Variants in AP3S1 observed in about 807,000 individuals in gnomAD.
AP3S1 encodes AP-3 complex subunit sigma-1.
AP3S1 carries 12 observed loss-of-function variants against 21.3 expected under a neutral mutation model. The observed-to-expected ratio is 0.56, with a 90% confidence interval of 0.36 to 0.91. The LOEUF (loss-of-function observed/expected upper bound fraction) is 0.91, where lower values mean the gene tolerates loss of function less well. Among genes scored for constraint, AP3S1 ranks in the 40% least tolerant of loss-of-function variants. The probability of loss-of-function intolerance (pLI) is 0.01; values close to 1 mark genes in which losing one functional copy is unlikely to be tolerated. For missense variants in AP3S1, 116 were observed against 225.0 expected (o/e 0.52, Z 3.10); for synonymous variants, 48 against 78.4 (o/e 0.61, Z 2.05).
At chr5:115,870,678 C>T (rs1489823744) in intron 3 of AP3S1, among the ~76,000 whole-genome samples, 1 of 152,208 alleles carries the variant, frequency 6.6e-6, no homozygotes, top group Admixed American at 6.5e-5. Context: ...ATTCTTTCTT[C>T]TCAAACACCT....
intron 3 of AP3S1, among the ~76,000 whole-genome samples, chr5:115,888,804 A>G (rs1031185066): frequency 1.3e-5 from 2 of 152,122 alleles, no homozygotes; most frequent in African/African-American, 2.4e-5. Flanking sequence ...ATTATCATGT[A>G]TTTTGAACAG....
At chr5:115,847,296 A>T (rs551430058) in intron 1 of AP3S1, among the ~76,000 whole-genome samples, 1 of 152,258 alleles carries the variant, frequency 6.6e-6, no homozygotes, top group East Asian at 1.9e-4. Flanking sequence ...AGGGTCTGCT[A>T]TTTCTTCTTC....
At chr5:115,892,659 A>T (rs1304050544) in intron 3 of AP3S1, among the ~76,000 whole-genome samples, 1 of 152,166 alleles carries the variant, frequency 6.6e-6, no homozygotes, top group Non-Finnish European at 1.5e-5. Flanking sequence ...GAGACTTGGA[A>T]GGGTAGTGGA....
At chr5:115,843,434 A>C (rs1003526971) in intron 1 of AP3S1, among the ~76,000 whole-genome samples, 7 of 152,122 alleles carry the variant, frequency 4.6e-5, no homozygotes, top group African/African-American at 1.7e-4. Flanking sequence ...ATTTTCTGCT[A>C]CTCGTGTGTG....
In AP3S1 at chr5:115,870,129, G is replaced by C; in HGVS notation, c.273+1G>C. ...ACTTGGCATTTTAGATCTAATTCAA[G>C]TAAGTTAACACTTGCTTCTTACTAT... On this transcript the variant is annotated splice_donor_variant, in intron 3 of 5. Transcript: ENST00000316788. LOFTEE classifies it high-confidence loss of function. The C allele has an allele frequency of 6.4e-7, 1 of 1,568,592 alleles. No homozygotes were observed. Among genetic ancestry groups the C allele is most frequent in the Admixed American group, 1.7e-5 (1 of 58,792 alleles).
At chr5:115,904,453 T>C (rs779475787) in intron 5 of AP3S1, among the ~76,000 whole-genome samples, 63 of 152,320 alleles carry the variant, frequency 4.1e-4, no homozygotes, top group Non-Finnish European at 8.1e-4. Flanking sequence ...TCCAGTGTTC[T>C]CTTTTAAATT....
intron 3 of AP3S1, among the ~76,000 whole-genome samples, chr5:115,891,307 C>T (rs1321661670): frequency 6.6e-6 from 1 of 152,054 alleles, no homozygotes; most frequent in East Asian, 1.9e-4. Context: ...GGGAGTTTGT[C>T]CCCCACACAC....
intron 3 of AP3S1, among the ~76,000 whole-genome samples, chr5:115,887,739 C>CA (rs1171677755): frequency 6.6e-6 from 1 of 152,032 alleles, no homozygotes; most frequent in Non-Finnish European, 1.5e-5. Context: ...CCCTGGATCT[C>CA]AGAGTTAGAG....
At chr5:115,877,363 C>A (rs925414203) in intron 3 of AP3S1, among the ~76,000 whole-genome samples, 2 of 152,104 alleles carry the variant, frequency 1.3e-5, no homozygotes, top group South Asian at 2.1e-4. Flanking sequence ...CCCTCCACCC[C>A]CTGACAAGTC....
At chr5:115,875,771 T>C (rs1748661358) in intron 3 of AP3S1, among the ~76,000 whole-genome samples, 1 of 152,212 alleles carries the variant, frequency 6.6e-6, no homozygotes, top group Non-Finnish European at 1.5e-5. Context: ...CTTTCTGTTT[T>C]CAGTAAGATT....
At position 115,913,613 on chromosome 5, in the gene AP3S1, G is replaced by A; in HGVS notation, c.*123G>A. 6.9e-7 allele frequency: 1 copy of A among 1,440,276 alleles called. No individual in the cohort carries two copies. Among genetic ancestry groups the A allele is most frequent in the East Asian group, 2.3e-5 (1 of 42,872 alleles). 89.2% of individuals were successfully genotyped at this position (1,440,276 alleles called of 1,614,324 possible). On this transcript the variant is annotated 3_prime_UTR_variant, in exon 6 of 6. Coordinates refer to ENST00000316788, the MANE Select transcript of AP3S1 (RefSeq NM_001284.4). ...CTTTTGCTCTTGGATTTAAGTCAAGGTACTGTATAGAAGTTGTGTAAAATC... is the reference window on the plus strand; with the variant it reads ...CTTTTGCTCTTGGATTTAAGTCAAGATACTGTATAGAAGTTGTGTAAAATC...
intron 5 of AP3S1, among the ~76,000 whole-genome samples, chr5:115,911,161 T>C (rs1752073062): frequency 6.6e-6 from 1 of 152,170 alleles, no homozygotes; most frequent in African/African-American, 2.4e-5. Context: ...CTCAATCTAA[T>C]GAAATTTAAC....
intron 5 of AP3S1, among the ~76,000 whole-genome samples, chr5:115,910,979 GTC>G (rs1426000199): frequency 1.3e-5 from 2 of 152,026 alleles, no homozygotes; most frequent in African/African-American, 2.4e-5. Flanking sequence ...TCTTTTGCAT[GTC>G]TATGGCTTGC....
intron 1 of AP3S1, among the ~76,000 whole-genome samples, chr5:115,844,735 A>G (rs1194891751): frequency 6.6e-6 from 1 of 152,072 alleles, no homozygotes; most frequent in Non-Finnish European, 1.5e-5. Context: ...CACAAACATC[A>G]CCTAAACATT....
intron 3 of AP3S1, among the ~76,000 whole-genome samples, chr5:115,884,441 T>C (rs1040694134): frequency 6.6e-6 from 1 of 152,198 alleles, no homozygotes; most frequent in Non-Finnish European, 1.5e-5. Context: ...GGTGCGCGCC[T>C]GTAATCCCAG....
intron 4 of AP3S1, among the ~76,000 whole-genome samples, chr5:115,900,795 G>A (rs1366660516): frequency 6.6e-6 from 1 of 152,104 alleles, no homozygotes; most frequent in African/African-American, 2.4e-5. Flanking sequence ...AACTGAGCTG[G>A]GAAATAGATG....
chr5:115,903,332 C>A, intron 5 of AP3S1: 1 of 161,146 alleles, frequency 6.2e-6, no homozygotes, highest in South Asian at 1.8e-4. Context: ...AATCTTAGAA[C>A]TAATATTTTA....
At chr5:115,894,134 T>TG (rs758508718) in intron 3 of AP3S1, among the ~76,000 whole-genome samples, 1 of 152,190 alleles carries the variant, frequency 6.6e-6, no homozygotes, top group Non-Finnish European at 1.5e-5. Context: ...CAAAGGCACA[T>TG]GGGATGAAGT....
At chr5:115,862,029 C>T (rs1019406264) in intron 1 of AP3S1, among the ~76,000 whole-genome samples, 7 of 151,778 alleles carry the variant, frequency 4.6e-5, no homozygotes, top group East Asian at 1.9e-4. Flanking sequence ...GGGCGTGGTT[C>T]GGTTCTTTAA....
Sources: allele counts gnomAD v4.1 joint callset (sites outside exome capture counted in the v4.1 genomes callset), GRCh38; gene constraint gnomAD v4.1.1; transcripts MANE v1.5; gene names NCBI Gene and HGNC (gene_info 2026-07-23, HGNC 2026-07-21).